The following GULP1 variants were observed in gnomAD, a reference collection of about 807,000 sequenced individuals.
GULP1 encodes PTB domain-containing engulfment adapter protein 1.
GULP1 carries 19 observed loss-of-function variants against 40.9 expected under a neutral mutation model. The observed-to-expected ratio is 0.46, with a 90% CI of 0.32 to 0.68. The LOEUF (loss-of-function observed/expected upper bound fraction) is 0.68. GULP1 is among the 30% of genes least tolerant of loss of function. GULP1 has a pLI of 0.03. For missense variants in GULP1, 312 were observed against 362.2 expected (o/e 0.86, Z 1.12); for synonymous variants, 119 against 117.6 (o/e 1.01, Z -0.08).
intron 7 of GULP1, chr2:188,542,205 A>G (rs1189568602): frequency 1.3e-5 from 2 of 152,208 alleles, no homozygotes; most frequent in Non-Finnish European, 2.9e-5. Flanking sequence ...ATCATCTGGA[A>G]TCTTAAGGAA....
chr2:188,308,056 C>T (rs185312296), intron 1 of GULP1, among the ~76,000 whole-genome samples: 431 of 17,874 alleles, frequency 0.024, no homozygotes, highest in African/African-American at 0.065. Flanking sequence ...TGGGCTTTAT[C>T]TCTCACTCAG....
At chr2:188,423,029 G>T (rs1351600972) in intron 2 of GULP1, among the ~76,000 whole-genome samples, 5 of 151,994 alleles carry the variant, frequency 3.3e-5, no homozygotes. Context: ...TATATAATCT[G>T]CTTTTCAAGA....
chr2:188,378,002 T>C lies in GULP1; in HGVS notation c.-171-5761T>C, dbSNP rs533223839. Among the ~76,000 whole-genome samples the C allele has an allele frequency of 2.6e-5, 4 of 152,262 alleles. No homozygotes were observed. The South Asian group carries it at 8.3e-4, about 32-fold the overall frequency. On this transcript the variant is annotated intron_variant, in intron 1 of 11. Coordinates refer to ENST00000409830, the MANE Select transcript of GULP1 (RefSeq NM_016315.4). ...ATCCGGTAATTTCCATTCTCCCTTG[T>C]CTCAATAGTCAGATGTTTAAGCAGT... is the stretch of plus-strand genomic sequence containing the variant.
At chr2:188,518,427 T>C (rs2065405487) in intron 4 of GULP1, among the ~76,000 whole-genome samples, 1 of 152,042 alleles carries the variant, frequency 6.6e-6, no homozygotes, top group Admixed American at 6.5e-5. Flanking sequence ...ACAAAACTTG[T>C]GGAGTTACAA....
chr2:188,403,519 C>T (rs1575033889), intron 2 of GULP1, among the ~76,000 whole-genome samples: 1 of 152,088 alleles, frequency 6.6e-6, no homozygotes, highest in African/African-American at 2.4e-5. Flanking sequence ...TCCACTTATA[C>T]TTCAAATTCT....
In GULP1 at chr2:188,352,618, T is replaced by TCACACA. The variant is rs66499080; in HGVS notation, c.-171-31119_-171-31114dup. ...TGCTCTCTTTCTCTCTCTCTCTCTC[T>TCACACA]CACACACACACACACACACACACAC... On this transcript the variant is annotated intron_variant, in intron 1 of 11. Transcript: ENST00000409830. Among the ~76,000 whole-genome samples, 1,041 of 134,492 alleles carry TCACACA rather than the reference T, an allele frequency of 7.7e-3. 35 individuals are homozygous for TCACACA. The highest frequency in any genetic ancestry group is 0.058 in the Admixed American group (752 of 13,068). The allele number at this position is 134,492 out of a possible 152,430, so 88.2% of individuals were successfully genotyped here.
At chr2:188,431,504 C>G (rs182930723) in intron 2 of GULP1, among the ~76,000 whole-genome samples, 1 of 152,196 alleles carries the variant, frequency 6.6e-6, no homozygotes, top group Non-Finnish European at 1.5e-5. Context: ...AAATTTAAAA[C>G]TTACAATTTC....
intron 2 of GULP1, among the ~76,000 whole-genome samples, chr2:188,421,980 T>C (rs919433227): frequency 1.3e-5 from 2 of 152,104 alleles, no homozygotes; most frequent in Non-Finnish European, 2.9e-5. Context: ...CCTCTGTTTT[T>C]ATATTTTATT....
intron 4 of GULP1, chr2:188,491,709 CT>C (rs1274960570): frequency 6.6e-6 from 1 of 152,028 alleles, no homozygotes; most frequent in Non-Finnish European, 1.5e-5. Flanking sequence ...AGAAGACAAA[CT>C]AAGATTTCTA....
At chr2:188,519,231 G>T (rs755717046) in intron 4 of GULP1, among the ~76,000 whole-genome samples, 10 of 152,124 alleles carry the variant, frequency 6.6e-5, no homozygotes, top group Non-Finnish European at 2.9e-5. Flanking sequence ...TTACACAAAG[G>T]ATTTAATTAA....
chr2:188,479,182 T>C (rs1191382658), intron 3 of GULP1, among the ~76,000 whole-genome samples: 1 of 152,036 alleles, frequency 6.6e-6, no homozygotes, highest in African/African-American at 2.4e-5. Flanking sequence ...AAGTGAGAGG[T>C]GTTCAAACAT....
intron 2 of GULP1, among the ~76,000 whole-genome samples, chr2:188,410,088 G>A (rs10192374): frequency 0.21 from 32,653 of 152,018 alleles, 3,689 homozygotes; most frequent in African/African-American, 0.27. Flanking sequence ...AGAACACACA[G>A]TGGAGAAAGG....
At chr2:188,386,011 G>T (rs2049687186) in intron 2 of GULP1, among the ~76,000 whole-genome samples, 1 of 152,122 alleles carries the variant, frequency 6.6e-6, no homozygotes, top group South Asian at 2.1e-4. Context: ...TTCCTAAGTT[G>T]CTTCTACATC....
In GULP1 at chr2:188,329,593, A is replaced by G. The variant is rs149565071; in HGVS notation, c.-172+37427A>G. Among the ~76,000 whole-genome samples the G allele has an allele frequency of 2.4e-3, 358 of 152,268 alleles. 1 individual carries two copies. The highest frequency in any genetic ancestry group is 0.012 in the South Asian group (60 of 4,830). ...GGTAGTAGAATGAGGTGGGAAGATC[A>G]CAGAGTGCCTTTATAGGGCATATAC... is the stretch of plus-strand genomic sequence containing the variant. On this transcript the variant is annotated intron_variant, in intron 1 of 11. Transcript: ENST00000409830.
At chr2:188,396,129 G>C (rs2051220525) in intron 2 of GULP1, among the ~76,000 whole-genome samples, 1 of 152,206 alleles carries the variant, frequency 6.6e-6, no homozygotes, top group African/African-American at 2.4e-5. Flanking sequence ...GCTTGCAGAA[G>C]AGTGCTGGAT....
rs1445798049 is a variant in GULP1, at chr2:188,388,366, C to A, written c.-45+4477C>A. Among the ~76,000 whole-genome samples the A allele has an allele frequency of 7.0e-4, 88 of 126,422 alleles. No individual in the cohort carries two copies. In the Middle Eastern group the frequency reaches 0.012, roughly 18 times the overall value. 82.9% of individuals were successfully genotyped at this position (126,422 alleles called of 152,430 possible). ...AAACATAGTGAGAGCCCATCTCTAC[C>A]AAAAAAAAAAAAAAAAAGTAGAAAA... On this transcript the variant is annotated intron_variant, in intron 2 of 11. Coordinates refer to ENST00000409830, the MANE Select transcript of GULP1 (RefSeq NM_016315.4).
At chr2:188,548,827 G>GTTTT (rs1692654932) in intron 7 of GULP1, among the ~76,000 whole-genome samples, 1 of 149,458 alleles carries the variant, frequency 6.7e-6, no homozygotes. Flanking sequence ...GGGGAAAGAA[G>GTTTT]GTTTTGTTTT....
At chr2:188,401,194 T>A (rs1278280615) in intron 2 of GULP1, among the ~76,000 whole-genome samples, 1 of 152,024 alleles carries the variant, frequency 6.6e-6, no homozygotes, top group Non-Finnish European at 1.5e-5. Context: ...AATAAAGGAG[T>A]ATTATGCGGA....
chr2:188,590,398 T>A (rs1184861743), intron 11 of GULP1: 1 of 152,226 alleles, frequency 6.6e-6, no homozygotes, highest in Admixed American at 6.5e-5. Context: ...ATGAATCTAA[T>A]GCAGACATTT....
Sources: gnomAD v4.1 joint callset for allele counts (sites outside exome capture counted in the v4.1 genomes callset) on GRCh38, gnomAD v4.1.1 for gene constraint, MANE v1.5 for transcripts, NCBI Gene and HGNC (gene_info 2026-07-23, HGNC 2026-07-21) for gene names.